Variants in KIF6 observed in about 807,000 individuals in gnomAD.
The protein encoded by KIF6 is kinesin family member 6, also known as kinesin-like protein KIF6.
Under a neutral mutation model 112.7 loss-of-function variants are expected in KIF6, and 106 were observed. That is an observed-to-expected ratio of 0.94 (90% CI 0.80 to 1.11). KIF6 has a LOEUF of 1.11. Ranked by LOEUF, KIF6 falls within the 50% of genes least tolerant of loss-of-function variation. KIF6 has a pLI of 0.00. For missense variants in KIF6, 929 were observed against 964.0 expected (o/e 0.96, Z 0.48); for synonymous variants, 339 against 339.9 (o/e 1.00, Z 0.03).
intron 3 of KIF6, among the ~76,000 whole-genome samples, chr6:39,696,969 A>G (rs1197789763): frequency 6.6e-6 from 1 of 152,214 alleles, no homozygotes; most frequent in Non-Finnish European, 1.5e-5. Flanking sequence ...CCACAGGTAC[A>G]GCCAAAATGT....
chr6:39,497,744 C>G (rs1398657596), intron 13 of KIF6, among the ~76,000 whole-genome samples: 1 of 152,216 alleles, frequency 6.6e-6, no homozygotes, highest in African/African-American at 2.4e-5. Flanking sequence ...ACGAAGTACT[C>G]AAGCTTCCTA....
intron 13 of KIF6, among the ~76,000 whole-genome samples, chr6:39,511,874 C>T (rs1315811287): frequency 1.3e-5 from 2 of 152,122 alleles, no homozygotes; most frequent in Admixed American, 1.3e-4. Flanking sequence ...TGTTCTCACT[C>T]ATAAGTGGGA....
chr6:39,337,231 C>CTTTCTTTCTTTCTTTCTTTCTTTCTTTCT (rs1763070234), intron 22 of KIF6, among the ~76,000 whole-genome samples: 1 of 95,714 alleles, frequency 1.0e-5, no homozygotes, highest in Admixed American at 1.1e-4. Flanking sequence ...TTCTTTCTTT[C>CTTTCTTTCTTTCTTTCTTTCTTTCTTTCT]TTTCTTTTTC....
intron 3 of KIF6, among the ~76,000 whole-genome samples, chr6:39,696,006 C>T (rs1488731111): frequency 6.6e-6 from 1 of 152,080 alleles, no homozygotes; most frequent in Non-Finnish European, 1.5e-5. Context: ...GCAGCATTAT[C>T]CTAAGTGAGT....
rs149446230 is a variant in KIF6 at position 39,521,075 on chromosome 6, C to T, written c.1645+18928G>A. Among the ~76,000 whole-genome samples, 393 of 152,222 alleles carry T rather than the reference C, an allele frequency of 2.6e-3. 4 individuals are homozygous for T. Among genetic ancestry groups the T allele is most frequent in the African/African-American group, 8.8e-3 (365 of 41,534 alleles). On this transcript the variant is annotated intron_variant, in intron 13 of 22. Transcript: ENST00000287152. ...TTTGTTGGTATAAATCCCAGAAAAT[C>T]AAATTTGAAAAATGAAGTGCTGATT...
At chr6:39,699,363 G>T (rs1788738337) in intron 3 of KIF6, among the ~76,000 whole-genome samples, 1 of 152,164 alleles carries the variant, frequency 6.6e-6, no homozygotes, top group South Asian at 2.1e-4. Context: ...GTGACAGTGT[G>T]AGCTATCTGG....
chr6:39,516,969 C>T (rs909656757), intron 13 of KIF6, among the ~76,000 whole-genome samples: 1 of 152,138 alleles, frequency 6.6e-6, no homozygotes, highest in African/African-American at 2.4e-5. Flanking sequence ...AGGTGAGTAG[C>T]AACATTTCAG....
chr6:39,525,283 AC>A (rs1777650077), intron 13 of KIF6, among the ~76,000 whole-genome samples: 1 of 152,126 alleles, frequency 6.6e-6, no homozygotes, highest in African/African-American at 2.4e-5. Flanking sequence ...GGCTGGGACC[AC>A]AGGCATGCAC....
chr6:39,377,415 C>G (rs1431014620), intron 16 of KIF6, among the ~76,000 whole-genome samples: 1 of 145,892 alleles, frequency 6.9e-6, no homozygotes, highest in African/African-American at 2.5e-5. Context: ...CTCTCCATAT[C>G]CTTGGATTCC....
At chr6:39,478,103 G>C (rs779634569) in intron 13 of KIF6, among the ~76,000 whole-genome samples, 2 of 152,016 alleles carry the variant, frequency 1.3e-5, no homozygotes, top group African/African-American at 4.8e-5. Context: ...ACATGAGTAA[G>C]TTCTCCAGTG....
At position 39,634,897 on chromosome 6, in the gene KIF6, T is replaced by C. The variant is rs1424764045; in HGVS notation, c.461A>G (p.Tyr154Cys). ...TTCATGTCTTGGATCCAAAAGATCA[T>C]AACCACATTCATTGTAGATTTCCAA... ...SYLEIYNECGYDLLDPRHEAS... is the reference protein window; with the variant it reads ...SYLEIYNECGCDLLDPRHEAS... Residue 154 changes from tyrosine (Y) to cysteine (C), a missense_variant, in exon 5 of 23, where the codon TAT becomes TGT. This residue lies in a region of KIF6 where 688 missense variants were observed against 662.7 expected (regional missense o/e 1.04). Transcript: ENST00000287152. 1.2e-6 allele frequency: 2 copies of C among 1,612,846 alleles called. No individual in the cohort carries two copies. Among genetic ancestry groups the C allele is most frequent in the Non-Finnish European group, 1.7e-6 (2 of 1,179,094 alleles).
intron 10 of KIF6, among the ~76,000 whole-genome samples, chr6:39,568,244 C>T (rs374962786): frequency 1.8e-4 from 28 of 152,120 alleles, no homozygotes; most frequent in Admixed American, 1.4e-3. Context: ...TAACGAGTGA[C>T]GGGGGAAGGT....
chr6:39,634,221 A>G (rs1346920224), intron 5 of KIF6, among the ~76,000 whole-genome samples: 1 of 152,186 alleles, frequency 6.6e-6, no homozygotes, highest in Non-Finnish European at 1.5e-5. Context: ...AACAGTTGCC[A>G]ATTAATATAT....
intron 13 of KIF6, among the ~76,000 whole-genome samples, chr6:39,438,344 G>C (rs1176144575): frequency 6.6e-6 from 1 of 152,020 alleles, no homozygotes; most frequent in East Asian, 1.9e-4. Flanking sequence ...AAAAAGCCTT[G>C]GGCAGGTCCT....
intron 4 of KIF6, among the ~76,000 whole-genome samples, 188 bp downstream of exon 4, chr6:39,639,422 T>C (rs1582336436): frequency 6.6e-6 from 1 of 152,210 alleles, no homozygotes; most frequent in South Asian, 2.1e-4. Context: ...TAATGAGAAG[T>C]ACCTTCTTAA....
intron 13 of KIF6, among the ~76,000 whole-genome samples, chr6:39,528,089 G>T (rs1777835943): frequency 6.6e-6 from 1 of 152,058 alleles, no homozygotes. Flanking sequence ...TCTAGTTGAG[G>T]CTTTGTACCC....
At chr6:39,508,969 AG>A (rs1226482574) in intron 13 of KIF6, among the ~76,000 whole-genome samples, 1 of 152,132 alleles carries the variant, frequency 6.6e-6, no homozygotes, top group Non-Finnish European at 1.5e-5. Context: ...GACACCTCCC[AG>A]TAGGGGCCGA....
chr6:39,462,869 A>T (rs1237624764), intron 13 of KIF6, among the ~76,000 whole-genome samples: 3 of 152,168 alleles, frequency 2.0e-5, no homozygotes, highest in Non-Finnish European at 4.4e-5. Flanking sequence ...TGATGATTAG[A>T]TATAGAGCTG....
chr6:39,418,459 A>G (rs950921763), intron 15 of KIF6, among the ~76,000 whole-genome samples: 1 of 152,224 alleles, frequency 6.6e-6, no homozygotes, highest in Non-Finnish European at 1.5e-5. Flanking sequence ...TGTATTAAAT[A>G]AAAAGATCTA....
Sources: allele counts gnomAD v4.1 joint callset (sites outside exome capture counted in the v4.1 genomes callset), GRCh38; gene constraint gnomAD v4.1.1; regional missense constraint gnomAD v4.1.1; transcripts MANE v1.5; gene names NCBI Gene and HGNC (gene_info 2026-07-23, HGNC 2026-07-21).